Variants in INPP4B observed in about 807,000 individuals in gnomAD.
The protein encoded by INPP4B is inositol polyphosphate 4-phosphatase type II.
In INPP4B, 55 loss-of-function variants were observed where a neutral mutation model predicts 122.5. The ratio of observed to expected loss-of-function variants is 0.45; its 90% CI spans 0.36 to 0.56. The LOEUF is 0.56. INPP4B is among the 20% of genes least tolerant of loss of function. INPP4B has a pLI of 0.00. For synonymous variants in INPP4B, 403 were observed against 388.7 expected, an observed-to-expected ratio of 1.04 and a Z score of -0.43; for missense variants, 1,000 against 1,097.7, an observed-to-expected ratio of 0.91 and a Z score of 1.26.
At chr4:142,072,033 C>T (rs1478658028) in intron 25 of INPP4B, among the ~76,000 whole-genome samples, 1 of 152,158 alleles carries the variant, frequency 6.6e-6, no homozygotes, top group African/African-American at 2.4e-5. Flanking sequence ...AAGACACATG[C>T]ACACATATGT....
intron 2 of INPP4B, among the ~76,000 whole-genome samples, chr4:142,711,723 G>A (rs185615493): frequency 6.6e-6 from 1 of 152,310 alleles, no homozygotes; most frequent in East Asian, 1.9e-4. Flanking sequence ...CATGAGGACA[G>A]AGCCTTTATG....
intron 23 of INPP4B, among the ~76,000 whole-genome samples, chr4:142,086,789 A>G (rs774716357): frequency 4.6e-5 from 7 of 152,178 alleles, no homozygotes; most frequent in Non-Finnish European, 8.8e-5. Context: ...CTGTATAACT[A>G]TGGTAATATC....
At chr4:142,427,639 C>A (rs1325776855) in intron 5 of INPP4B, among the ~76,000 whole-genome samples, 2 of 151,958 alleles carry the variant, frequency 1.3e-5, no homozygotes, top group African/African-American at 2.4e-5. Context: ...ACCACATTTG[C>A]CTAACAATTG....
intron 2 of INPP4B, among the ~76,000 whole-genome samples, chr4:142,570,921 C>T (rs1425771909): frequency 9.2e-5 from 14 of 151,630 alleles, no homozygotes; most frequent in African/African-American, 3.4e-4. Flanking sequence ...ACCATCAGAC[C>T]TTCTTTCTTA....
intron 2 of INPP4B, among the ~76,000 whole-genome samples, chr4:142,505,291 A>G (rs897377281): frequency 6.6e-6 from 1 of 152,040 alleles, no homozygotes; most frequent in African/African-American, 2.4e-5. Context: ...ATGTGTGTGA[A>G]TATAATTACA....
Position 142,564,011 on chromosome 4 carries a change from A to G in INPP4B, c.-190-101285T>C, listed in dbSNP as rs1731037843. On this transcript the variant is annotated intron_variant, in intron 2 of 25. Coordinates refer to ENST00000262992, the MANE Select transcript of INPP4B (RefSeq NM_001101669.3). ...TTCCAACCCACGGATTTATGAGCCAAACAAGCAGTTGTTATTTCAAGACCC... is the reference window on the plus strand; with the variant it reads ...TTCCAACCCACGGATTTATGAGCCAGACAAGCAGTTGTTATTTCAAGACCC... Among the ~76,000 whole-genome samples, 5 of 152,352 alleles carry G rather than the reference A, an allele frequency of 3.3e-5. No homozygotes were observed. In the South Asian group the frequency reaches 1.0e-3, roughly 32 times the overall value.
At position 142,349,748 on chromosome 4, in the gene INPP4B, C is replaced by A. The variant is rs939162509; in HGVS notation, c.373-34986G>T. Among the ~76,000 whole-genome samples the A allele has an allele frequency of 2.0e-5, 3 of 152,082 alleles. No homozygotes were observed. In the South Asian group the frequency reaches 6.2e-4, roughly 32 times the overall value. ...TCAAGAGCTGTTCTCATAAAAGGCA[C>A]ATCTTTAGATTCTTTCCCTCCCCAA... On this transcript the variant is annotated intron_variant, in intron 7 of 25. Transcript: ENST00000262992.
At chr4:142,276,711 G>A (rs1465951710) in intron 9 of INPP4B, among the ~76,000 whole-genome samples, 1 of 151,828 alleles carries the variant, frequency 6.6e-6, no homozygotes, top group East Asian at 1.9e-4. Flanking sequence ...AAAGCTTCAA[G>A]AGCATGACGT....
At chr4:142,434,918 A>G (rs1284473779) in intron 3 of INPP4B, among the ~76,000 whole-genome samples, 1 of 152,128 alleles carries the variant, frequency 6.6e-6, no homozygotes, top group African/African-American at 2.4e-5. Flanking sequence ...AAAAAAAGGC[A>G]TAATGTTTTA....
intron 23 of INPP4B, among the ~76,000 whole-genome samples, chr4:142,092,300 T>A (rs1281899859): frequency 6.6e-6 from 1 of 152,150 alleles, no homozygotes; most frequent in Non-Finnish European, 1.5e-5. Context: ...TTGTTTGCTT[T>A]TGTTTTTTGA....
At chr4:142,417,352 A>G (rs917450670) in intron 5 of INPP4B, among the ~76,000 whole-genome samples, 2 of 152,124 alleles carry the variant, frequency 1.3e-5, no homozygotes, top group Non-Finnish European at 2.9e-5. Context: ...CCAAATTGCC[A>G]AAAGTTGAGG....
At chr4:142,813,508 C>T (rs1779760422) in intron 1 of INPP4B, among the ~76,000 whole-genome samples, 1 of 152,086 alleles carries the variant, frequency 6.6e-6, no homozygotes, top group Non-Finnish European at 1.5e-5. Context: ...TTTCGTTTGT[C>T]CTTGTGTTAC....
chr4:142,716,166 A>T lies in INPP4B; in HGVS notation c.-191+9673T>A, dbSNP rs144823053. On this transcript the variant is annotated intron_variant, in intron 2 of 25. Transcript: ENST00000262992. Reference sequence around the variant, plus strand: ...AGGGGAAAATAGTCCTCACCTCTTGATGGGGATGCCAACGAGGTTCTGGAA... The same window carrying T: ...AGGGGAAAATAGTCCTCACCTCTTGTTGGGGATGCCAACGAGGTTCTGGAA... Among the ~76,000 whole-genome samples the T allele has an allele frequency of 4.8e-3, 730 of 152,322 alleles. 4 individuals are homozygous for T. The highest frequency in any genetic ancestry group is 7.0e-3 in the Non-Finnish European group (479 of 68,028).
chr4:142,312,113 A>T (rs1022160235), intron 8 of INPP4B, among the ~76,000 whole-genome samples: 1 of 152,230 alleles, frequency 6.6e-6, no homozygotes, highest in African/African-American at 2.4e-5. Flanking sequence ...CTTTTAGTCC[A>T]GGAATTATAG....
In INPP4B at chr4:142,781,907, C is replaced by G. The variant is rs1015894757; in HGVS notation, c.-253-56006G>C. Among the ~76,000 whole-genome samples the G allele has an allele frequency of 2.0e-5, 3 of 152,182 alleles. No homozygotes were observed. In the South Asian group the frequency reaches 6.2e-4, roughly 32 times the overall value. On this transcript the variant is annotated intron_variant, in intron 1 of 25. Coordinates refer to ENST00000262992, the MANE Select transcript of INPP4B (RefSeq NM_001101669.3). ...TACAGAAAGTCCATTGCTTTACTTA[C>G]TGGTCACTGGTTCAGCTGAAATGAC...
chr4:142,232,688 A>C (rs1230910718), intron 12 of INPP4B, among the ~76,000 whole-genome samples: 1 of 152,092 alleles, frequency 6.6e-6, no homozygotes, highest in African/African-American at 2.4e-5. Context: ...TAAAGTGAGG[A>C]AGGCATGTCA....
At chr4:142,077,148 T>C (rs538232159) in intron 25 of INPP4B, among the ~76,000 whole-genome samples, 3 of 152,124 alleles carry the variant, frequency 2.0e-5, no homozygotes, top group African/African-American at 7.2e-5. Context: ...CCAATGGGCC[T>C]TTTAAGTCTC....
At chr4:142,683,930 A>G (rs1329746775) in intron 2 of INPP4B, among the ~76,000 whole-genome samples, 1 of 151,996 alleles carries the variant, frequency 6.6e-6, no homozygotes, top group Non-Finnish European at 1.5e-5. Flanking sequence ...GTATATAGTT[A>G]TCAGAGAGTG....
intron 5 of INPP4B, among the ~76,000 whole-genome samples, chr4:142,411,573 C>A (rs1466502264): frequency 7.2e-5 from 11 of 152,026 alleles, no homozygotes; most frequent in Admixed American, 7.2e-4. Context: ...AGGACATTGG[C>A]ATCCTAGAAT....
Sources: allele counts gnomAD v4.1 joint callset (sites outside exome capture counted in the v4.1 genomes callset), GRCh38; gene constraint gnomAD v4.1.1; transcripts MANE v1.5; gene names NCBI Gene and HGNC (gene_info 2026-07-23, HGNC 2026-07-21).